STARD13: variants seen among roughly 807,000 people sequenced by gnomAD.
STARD13 encodes StAR related lipid transfer domain containing 13.
A neutral mutation model predicts 106.4 loss-of-function variants in STARD13; 62 were observed. The observed-to-expected ratio is 0.58, with a 90% CI of 0.48 to 0.72. The LOEUF is 0.72. Among genes scored for constraint, STARD13 ranks in the 30% least tolerant of loss-of-function variants. The pLI is 0.00. For synonymous variants in STARD13, 565 were observed against 553.0 expected, an observed-to-expected ratio of 1.02 and a Z score of -0.31; for missense variants, 1,387 against 1,424.0, an observed-to-expected ratio of 0.97 and a Z score of 0.42.
In STARD13 at chr13:33,128,332, A is replaced by G. The variant is rs553395305; in HGVS notation, c.1748+597T>C. ...GAGATGGAGCCCGAAGATGAGAGGT[A>G]CAGAGGTGACACATCACTGAACCAC... On this transcript the variant is annotated intron_variant, in intron 5 of 13. Coordinates refer to ENST00000336934, the MANE Select transcript of STARD13 (RefSeq NM_178006.4). Among the ~76,000 whole-genome samples, 5 of 152,338 alleles carry G rather than the reference A, an allele frequency of 3.3e-5. No homozygotes were observed. The South Asian group carries it at 1.0e-3, about 32-fold the overall frequency.
chr13:33,664,627 T>C, the STARD13 span, among the ~76,000 whole-genome samples: 3 of 152,218 alleles, frequency 2.0e-5, no homozygotes, highest in Non-Finnish European at 2.9e-5. Context: ...AAAAAAACTA[T>C]TGACTCTTTT....
rs1290095017 is a variant in STARD13 at position 33,104,726 on chromosome 13, C to T, written c.*867G>A. 1 of 153,494 alleles carries T rather than the reference C, an allele frequency of 6.5e-6. No homozygotes were observed. Among genetic ancestry groups the T allele is most frequent in the African/African-American group, 2.4e-5 (1 of 41,422 alleles). The allele number at this position is 153,494 out of a possible 1,614,324, so 9.5% of individuals were successfully genotyped here. ...GTGAAGAAGTAAAGGCTATGATATT[C>T]ATCTTGACTTGGGGTCTGTAGTGAT... On this transcript the variant is annotated 3_prime_UTR_variant, in exon 14 of 14. Coordinates refer to ENST00000336934, the MANE Select transcript of STARD13 (RefSeq NM_178006.4).
At chr13:33,282,695 T>G (rs1891851999) in intron 1 of STARD13, among the ~76,000 whole-genome samples, 1 of 152,210 alleles carries the variant, frequency 6.6e-6, no homozygotes, top group Non-Finnish European at 1.5e-5. Flanking sequence ...AATAATGCTG[T>G]CATTAATTTT....
chr13:33,469,181 T>TA, the STARD13 span, among the ~76,000 whole-genome samples: 1 of 152,162 alleles, frequency 6.6e-6, no homozygotes, highest in East Asian at 1.9e-4. Context: ...AAGATATTAT[T>TA]ACTATTCCTC....
At position 33,127,372 on chromosome 13, in the gene STARD13, C is replaced by T; in HGVS notation, c.1922+1G>A. 1.3e-6 allele frequency: 2 copies of T among 1,589,830 alleles called. No individual in the cohort carries two copies. Among genetic ancestry groups the T allele is most frequent in the Non-Finnish European group, 1.7e-6 (2 of 1,168,568 alleles). ...CCCTCCTAGGTGAATGTGCTACGCA[C>T]CATGTCCAGCCGTGCTTGTTGGACA... is the stretch of plus-strand genomic sequence containing the variant. On this transcript the variant is annotated splice_donor_variant, in intron 6 of 13. Transcript: ENST00000336934. LOFTEE classifies it high-confidence loss of function.
chr13:33,417,005 T>C, the STARD13 span, among the ~76,000 whole-genome samples: 2 of 152,144 alleles, frequency 1.3e-5, 1 homozygote. Context: ...CTTCAACATT[T>C]TAAAAAGACA....
Position 33,109,950 on chromosome 13 carries a change from TAG to T in STARD13, c.2968_2969del (p.Leu990ArgfsTer31). ...ACTGGTAGATCTCTGTTTGCCTGTC[TAG>T]AGTTTCCACAACCTTCCACTGCACA... is the stretch of plus-strand genomic sequence containing the variant. ...DFVQWKVVET[L>X]DRQTEIYQYV... On this transcript the variant is annotated frameshift_variant, in exon 12 of 14. Coordinates refer to ENST00000336934, the MANE Select transcript of STARD13 (RefSeq NM_178006.4). LOFTEE classifies it high-confidence loss of function. 6.2e-7 allele frequency: 1 copy of T among 1,614,138 alleles called. No homozygotes were observed.
At chr13:33,119,192 G>A (rs1173903246) in intron 7 of STARD13, among the ~76,000 whole-genome samples, 1 of 152,112 alleles carries the variant, frequency 6.6e-6, no homozygotes, top group East Asian at 1.9e-4. Context: ...TATTCAAAAA[G>A]GAACTGAACT....
the STARD13 span, among the ~76,000 whole-genome samples, chr13:33,671,306 A>G: frequency 1.3e-5 from 2 of 152,286 alleles, no homozygotes; most frequent in African/African-American, 2.4e-5. Context: ...TTAAAAGACC[A>G]TATGTCTTCC....
chr13:33,636,404 G>A, the STARD13 span, among the ~76,000 whole-genome samples: 2 of 152,086 alleles, frequency 1.3e-5, no homozygotes, highest in African/African-American at 2.4e-5. Flanking sequence ...AGTAGGGAAC[G>A]TGTAAAATTC....
intron 1 of STARD13, chr13:33,333,614 T>C (rs2077861882): frequency 6.6e-6 from 1 of 152,180 alleles, no homozygotes; most frequent in Admixed American, 6.6e-5. Context: ...AGGTGGGGTT[T>C]GGGGTCATCA....
chr13:33,515,733 G>A, the STARD13 span, among the ~76,000 whole-genome samples: 2 of 152,072 alleles, frequency 1.3e-5, no homozygotes, highest in Admixed American at 6.6e-5. Flanking sequence ...GAAAGTCCAC[G>A]GTGAGGGATA....
the STARD13 span, among the ~76,000 whole-genome samples, chr13:33,528,257 C>CATATATATATGTATAT: frequency 7.5e-5 from 7 of 92,930 alleles, no homozygotes; most frequent in African/African-American, 3.9e-4. Context: ...TATATATATA[C>CATATATATATGTATAT]ATATATATAT....
chr13:33,170,922 C>A (rs1044798917), intron 1 of STARD13, among the ~76,000 whole-genome samples: 12 of 152,108 alleles, frequency 7.9e-5, no homozygotes, highest in Admixed American at 6.6e-4. Flanking sequence ...AAAAGTCTTA[C>A]AATTTTTATT....
At chr13:33,640,694 T>A in the STARD13 span, among the ~76,000 whole-genome samples, 1 of 152,212 alleles carries the variant, frequency 6.6e-6, no homozygotes. Context: ...AAATACAATT[T>A]GAGGAAAGCT....
At position 33,270,327 on chromosome 13, in the gene STARD13, G is replaced by A. The variant is rs145522048; in HGVS notation, c.169+15143C>T. Among the ~76,000 whole-genome samples, 284 of 152,286 alleles carry A rather than the reference G, an allele frequency of 1.9e-3. 1 individual carries two copies. Among genetic ancestry groups the A allele is most frequent in the African/African-American group, 6.4e-3 (266 of 41,554 alleles). On this transcript the variant is annotated intron_variant, in intron 1 of 13. Coordinates refer to ENST00000336934, the MANE Select transcript of STARD13 (RefSeq NM_178006.4). ...GGTATGAATTATTATTCAAGGAAGAGAAGCAAATATAGTTATATTTTGGTG... is the reference window on the plus strand; with the variant it reads ...GGTATGAATTATTATTCAAGGAAGAAAAGCAAATATAGTTATATTTTGGTG...
At chr13:33,457,895 T>C in the STARD13 span, among the ~76,000 whole-genome samples, 1 of 152,318 alleles carries the variant, frequency 6.6e-6, no homozygotes, top group African/African-American at 2.4e-5. Context: ...ATTTGGTATA[T>C]AGCAGTAACT....
intron 3 of STARD13, among the ~76,000 whole-genome samples, chr13:33,163,611 T>TATATATATAAAAAACATATATATATAAC (rs1555239822): frequency 3.5e-5 from 3 of 85,004 alleles, no homozygotes; most frequent in Non-Finnish European, 7.9e-5. Context: ...AAAAAATATA[T>TATATATATAAAAAACATATATATATAAC]ATATATATAT....
chr13:33,628,744 G>T, the STARD13 span, among the ~76,000 whole-genome samples: 1 of 152,158 alleles, frequency 6.6e-6, no homozygotes, highest in Non-Finnish European at 1.5e-5. Flanking sequence ...GGGAGGCACC[G>T]CATTGTAGGG....
Sources: gnomAD v4.1 joint callset for allele counts (sites outside exome capture counted in the v4.1 genomes callset) on GRCh38, gnomAD v4.1.1 for gene constraint, MANE v1.5 for transcripts, NCBI Gene and HGNC (gene_info 2026-07-23, HGNC 2026-07-21) for gene names.